Variants in PBX1 observed in about 807,000 individuals in gnomAD.
PBX1 encodes the protein PBX homeobox 1.
PBX1 carries 6 observed loss-of-function variants against 53.4 expected under a neutral mutation model. The ratio of observed to expected loss-of-function variants is 0.11; its 90% CI spans 0.06 to 0.22. The LOEUF is 0.22. Among genes scored for constraint, PBX1 ranks in the 10% least tolerant of loss-of-function variants. The probability of loss-of-function intolerance (pLI) is 1.00; values close to 1 mark genes in which losing one functional copy is unlikely to be tolerated. For synonymous variants in PBX1, 204 were observed against 212.3 expected (o/e 0.96, Z 0.34); for missense variants, 251 against 551.4 (o/e 0.46, Z 5.46).
At chr1:164,623,772 A>AC (rs1657849340) in intron 2 of PBX1, among the ~76,000 whole-genome samples, 1 of 152,192 alleles carries the variant, frequency 6.6e-6, no homozygotes, top group Non-Finnish European at 1.5e-5. Flanking sequence ...AACAAACTCG[A>AC]GTCGTGCCTA....
chr1:164,629,898 G>T (rs546713969), intron 2 of PBX1, among the ~76,000 whole-genome samples: 1 of 152,216 alleles, frequency 6.6e-6, no homozygotes, highest in African/African-American at 2.4e-5. Context: ...TGGGATGCTT[G>T]TATATATGAC....
chr1:164,591,396 A>G (rs1655370576), intron 2 of PBX1, among the ~76,000 whole-genome samples: 1 of 152,210 alleles, frequency 6.6e-6, no homozygotes. Context: ...GATCTTTGAT[A>G]ATGTGGATTC....
intron 2 of PBX1, chr1:164,703,102 C>G (rs941579153): frequency 2.6e-5 from 4 of 152,166 alleles, no homozygotes; most frequent in African/African-American, 9.7e-5. Flanking sequence ...TTGGTCAACA[C>G]AGACTGCTCT....
intron 1 of PBX1, among the ~76,000 whole-genome samples, chr1:164,561,070 G>A (rs1653005606): frequency 6.6e-6 from 1 of 152,126 alleles, no homozygotes; most frequent in South Asian, 2.1e-4. Context: ...GCCCAAGGCC[G>A]AACTCAAAAG....
At chr1:164,721,725 C>G (rs1308067454) in intron 2 of PBX1, among the ~76,000 whole-genome samples, 2 of 152,154 alleles carry the variant, frequency 1.3e-5, no homozygotes. Context: ...GCCTGTGGCT[C>G]CTCCTTCTCG....
At chr1:164,579,544 AG>A (rs1368246116) in intron 2 of PBX1, among the ~76,000 whole-genome samples, 1 of 152,230 alleles carries the variant, frequency 6.6e-6, no homozygotes, top group African/African-American at 2.4e-5. Flanking sequence ...GAGCTTGTTC[AG>A]CCCAGTTACT....
intron 2 of PBX1, among the ~76,000 whole-genome samples, chr1:164,642,520 T>C (rs944143417): frequency 6.6e-6 from 1 of 152,170 alleles, no homozygotes; most frequent in Non-Finnish European, 1.5e-5. Flanking sequence ...TCAGGGTAGT[T>C]CCTAAGGTCC....
intron 2 of PBX1, among the ~76,000 whole-genome samples, chr1:164,642,498 T>C (rs559907052): frequency 6.6e-6 from 1 of 152,320 alleles, no homozygotes; most frequent in East Asian, 1.9e-4. Flanking sequence ...TCAGGAGTCA[T>C]GTTGAAACTT....
intron 2 of PBX1, among the ~76,000 whole-genome samples, chr1:164,653,467 G>A (rs1471707857): frequency 2.0e-5 from 3 of 152,004 alleles, no homozygotes; most frequent in Admixed American, 6.6e-5. Flanking sequence ...GGGCCGTGGT[G>A]CTGGGCAAGA....
chr1:164,696,357 T>C (rs1280737622), intron 2 of PBX1, among the ~76,000 whole-genome samples: 1 of 152,112 alleles, frequency 6.6e-6, no homozygotes, highest in Non-Finnish European at 1.5e-5. Flanking sequence ...ATTTAATTCA[T>C]TTATTTATTT....
At chr1:164,781,988 A>T (rs1314064728) in intron 2 of PBX1, among the ~76,000 whole-genome samples, 1 of 152,258 alleles carries the variant, frequency 6.6e-6, no homozygotes, top group Non-Finnish European at 1.5e-5. Context: ...AATTTGTATT[A>T]GCTTAGATTG....
rs147590105 is a variant in PBX1 at position 164,632,171 on chromosome 1, T to C, written c.265+68860T>C. Among the ~76,000 whole-genome samples the C allele has an allele frequency of 7.1e-3, 1,089 of 152,338 alleles. 18 individuals are homozygous for C. Among genetic ancestry groups the C allele is most frequent in the African/African-American group, 0.025 (1,044 of 41,574 alleles). On this transcript the variant is annotated intron_variant, in intron 2 of 8. Transcript: ENST00000420696. ...CCATGATTACTTGTGGCTGACCTAATACCCTTCTGCCCTGAAACCACAGGA... is the reference window on the plus strand; with the variant it reads ...CCATGATTACTTGTGGCTGACCTAACACCCTTCTGCCCTGAAACCACAGGA...
intron 8 of PBX1, among the ~76,000 whole-genome samples, chr1:164,822,721 T>C (rs1172468649): frequency 4.6e-5 from 7 of 152,126 alleles, no homozygotes; most frequent in Admixed American, 2.0e-4. Flanking sequence ...AATTTGGGGG[T>C]TACATAGTAG....
chr1:164,869,025 G>GT (rs1231702705), intron 2 of PBX1, among the ~76,000 whole-genome samples: 3 of 152,142 alleles, frequency 2.0e-5, no homozygotes, highest in Admixed American at 6.5e-5. Context: ...TTTCAATAGT[G>GT]TTTTTTCTGT....
At chr1:164,792,811 T>G in intron 3 of PBX1, 73 bp downstream of exon 3, 1 of 1,142,702 alleles carries the variant, frequency 8.8e-7, no homozygotes, top group Non-Finnish European at 1.2e-6. Flanking sequence ...CCCCGGGGCT[T>G]GCAGAGAGGA....
At chr1:164,668,460 T>C (rs1224635560) in intron 2 of PBX1, among the ~76,000 whole-genome samples, 1 of 151,936 alleles carries the variant, frequency 6.6e-6, no homozygotes, top group Non-Finnish European at 1.5e-5. Context: ...CACCATGACT[T>C]AGGATCACCT....
intron 2 of PBX1, among the ~76,000 whole-genome samples, chr1:164,874,395 TTAAC>T (rs553762617): frequency 0.011 from 1,608 of 152,362 alleles, 21 homozygotes; most frequent in Non-Finnish European, 0.018. Flanking sequence ...ATGATGTTAT[TTAAC>T]TATATGCGTT....
At chr1:164,837,165 C>T (rs2102402967) in intron 8 of PBX1, among the ~76,000 whole-genome samples, 1 of 152,268 alleles carries the variant, frequency 6.6e-6, no homozygotes, top group East Asian at 1.9e-4. Flanking sequence ...GTGTGTATTT[C>T]ATGTGTAGCC....
intron 2 of PBX1, among the ~76,000 whole-genome samples, chr1:164,626,360 T>G (rs557436857): frequency 6.6e-6 from 1 of 152,260 alleles, no homozygotes; most frequent in Admixed American, 6.5e-5. Flanking sequence ...GAAAATGCCA[T>G]GGATTAAAGA....
Sources: gnomAD v4.1 joint callset for allele counts (sites outside exome capture counted in the v4.1 genomes callset) on GRCh38, gnomAD v4.1.1 for gene constraint, MANE v1.5 for transcripts, NCBI Gene and HGNC (gene_info 2026-07-23, HGNC 2026-07-21) for gene names.